Variants in MPC1 observed in about 807,000 individuals in gnomAD.
MPC1 encodes the protein HSPC040 protein.
In MPC1, 6 loss-of-function variants were observed where a neutral mutation model predicts 13.9. The observed-to-expected ratio is 0.43, with a 90% confidence interval of 0.24 to 0.85. The LOEUF (loss-of-function observed/expected upper bound fraction) is 0.85, where lower values mean the gene tolerates loss of function less well. MPC1 is among the 40% of genes least tolerant of loss of function. The pLI is 0.24. For missense variants in MPC1, 115 were observed against 143.3 expected, an observed-to-expected ratio of 0.80 and a Z score of 1.01; for synonymous variants, 47 against 50.5, an observed-to-expected ratio of 0.93 and a Z score of 0.29.
At chr6:166,381,699 G>A (rs1779789592) in intron 1 of MPC1, 1 of 492,298 alleles carries the variant, frequency 2.0e-6, no homozygotes, top group African/African-American at 2.1e-5. Flanking sequence ...GTATTTTCAG[G>A]CTTTCCAACC....
intron 1 of MPC1, among the ~76,000 whole-genome samples, chr6:166,371,370 C>T (rs1779374664): frequency 1.3e-5 from 2 of 152,124 alleles, no homozygotes. Flanking sequence ...TAAAAATACA[C>T]CAAAAACTTA....
Position 166,382,823 on chromosome 6 carries a change from G to A in MPC1, c.54C>T (p.Phe18=). ...KAADYVRSKD[F]RDYLMSTHFW... ...CTCGTCACCTCATGAGGTAGTCCCG[G>A]AAATCCTTGCTTCGGACATAGTCCG... is the stretch of plus-strand genomic sequence containing the variant. Residue 18 remains phenylalanine (F), a synonymous_variant, in exon 1 of 5, where the codon TTC becomes TTT. Transcript: ENST00000360961. 1 of 1,597,240 alleles carries A rather than the reference G, an allele frequency of 6.3e-7. No homozygotes were observed. The highest frequency in any genetic ancestry group is 1.1e-5 in the South Asian group (1 of 88,650).
At chr6:166,371,561 G>T (rs1243353466) in intron 1 of MPC1, among the ~76,000 whole-genome samples, 3 of 152,124 alleles carry the variant, frequency 2.0e-5, no homozygotes, top group African/African-American at 7.2e-5. Flanking sequence ...ACAGACTCAA[G>T]TCCAAAGAAT....
At chr6:166,379,809 A>G (rs911291169) in intron 1 of MPC1, among the ~76,000 whole-genome samples, 3 of 152,228 alleles carry the variant, frequency 2.0e-5, no homozygotes, top group African/African-American at 7.2e-5. Flanking sequence ...TTTCTGCTTT[A>G]TATTTTATTC....
rs1324348489 is a variant in MPC1 at position 166,366,850 on chromosome 6, A to G, written c.117T>C (p.Ala39=). 6.2e-7 allele frequency: 1 copy of G among 1,614,156 alleles called. No individual in the cohort carries two copies. The highest frequency in any genetic ancestry group is 8.5e-7 in the Non-Finnish European group (1 of 1,179,982). Residue 39 remains alanine (A), a synonymous_variant, in exon 3 of 5, where the codon GCT becomes GCC. Transcript: ENST00000360961. ...GPVANWGLPI[A]AINDMKKSPE... is the part of the protein sequence containing the mutation. ...GAGACTTTTTCATATCATTGATGGC[A>G]GCAATGGGAAGACCCCAGTTGGCTA...
At position 166,368,134 on chromosome 6, in the gene MPC1, C is replaced by T. The variant is rs370947762; in HGVS notation, c.76-1243G>A. On this transcript the variant is annotated intron_variant, in intron 2 of 4. Coordinates refer to ENST00000360961, the MANE Select transcript of MPC1 (RefSeq NM_016098.4). The stretch of plus-strand genomic sequence containing the variant: ...GATTCTGGGCTGGCTAATTAGTTAT[C>T]TTGCATTCAGACTGCATGTTATCTA... Among the ~76,000 whole-genome samples the T allele has an allele frequency of 1.4e-4, 22 of 152,254 alleles. No individual in the cohort carries two copies. The East Asian group carries it at 4.2e-3, about 29-fold the overall frequency.
chr6:166,379,756 T>G (rs971804745), intron 1 of MPC1, among the ~76,000 whole-genome samples: 7 of 152,230 alleles, frequency 4.6e-5, no homozygotes, highest in Non-Finnish European at 1.0e-4. Context: ...GAGGAAGGGA[T>G]GGAACCTTGT....
intron 2 of MPC1, among the ~76,000 whole-genome samples, chr6:166,367,642 G>A (rs1779212141): frequency 6.6e-6 from 1 of 152,162 alleles, no homozygotes; most frequent in African/African-American, 2.4e-5. Flanking sequence ...TTTAGAGGCT[G>A]AAATAAAATA....
chr6:166,377,879 G>A (rs1779626521), intron 1 of MPC1, among the ~76,000 whole-genome samples: 1 of 152,212 alleles, frequency 6.6e-6, no homozygotes, highest in African/African-American at 2.4e-5. Flanking sequence ...TTATATGGCA[G>A]GGAAGTGCTC....
At chr6:166,369,138 T>C (rs1779279516) in intron 2 of MPC1, among the ~76,000 whole-genome samples, 1 of 152,180 alleles carries the variant, frequency 6.6e-6, no homozygotes, top group South Asian at 2.1e-4. Flanking sequence ...GCATGGTGGC[T>C]CACACCTGTA....
At chr6:166,368,706 G>T in intron 2 of MPC1, 1 of 955,592 alleles carries the variant, frequency 1.0e-6, no homozygotes, top group Non-Finnish European at 1.2e-6. Flanking sequence ...GTAAGGGAGA[G>T]TATCTATCTC....
intron 1 of MPC1, among the ~76,000 whole-genome samples, chr6:166,380,953 A>AG (rs1779752387): frequency 6.6e-6 from 1 of 151,488 alleles, no homozygotes; most frequent in African/African-American, 2.4e-5. Context: ...AAAAAAAAAA[A>AG]AAAAAAAAAA....
intron 3 of MPC1, 111 bp from the exon 4 acceptor site, chr6:166,366,217 G>T: frequency 8.0e-7 from 1 of 1,250,064 alleles, no homozygotes. Context: ...AACCTCTTCT[G>T]CGAAAGCCTT....
Position 166,366,899 on chromosome 6 carries a change from A to G in MPC1, c.76-8T>C. 6.2e-7 allele frequency: 1 copy of G among 1,613,994 alleles called. No individual in the cohort carries two copies. Among genetic ancestry groups the G allele is most frequent in the Non-Finnish European group, 8.5e-7 (1 of 1,179,840 alleles). ...TACTGGGCCCCAGAAGTGCTACAAAAAATGAGAGGAAAAGAATGAAGAGAG... is the reference window on the plus strand; with the variant it reads ...TACTGGGCCCCAGAAGTGCTACAAAGAATGAGAGGAAAAGAATGAAGAGAG... On this transcript the variant is annotated splice_polypyrimidine_tract_variant and splice_region_variant and intron_variant, in intron 2 of 4. Transcript: ENST00000360961.
intron 1 of MPC1, among the ~76,000 whole-genome samples, chr6:166,382,382 G>A (rs1050593370): frequency 6.6e-6 from 1 of 151,124 alleles, no homozygotes; most frequent in Non-Finnish European, 1.5e-5. Context: ...TTGGCCAGGA[G>A]GGACGCCCAC....
intron 1 of MPC1, among the ~76,000 whole-genome samples, chr6:166,376,155 CGTGTGTGTGT>C (rs74273802): frequency 6.0e-5 from 9 of 150,972 alleles, no homozygotes; most frequent in Non-Finnish European, 1.2e-4. Flanking sequence ...TATACACATA[CGTGTGTGTGT>C]GTGTGTGTGT....
At chr6:166,379,955 C>T (rs1779706645) in intron 1 of MPC1, among the ~76,000 whole-genome samples, 2 of 152,296 alleles carry the variant, frequency 1.3e-5, no homozygotes, top group African/African-American at 4.8e-5. Context: ...AGCTTCTGGT[C>T]AGAGTGTTGA....
At chr6:166,378,955 C>T (rs552520078) in intron 1 of MPC1, among the ~76,000 whole-genome samples, 1 of 152,348 alleles carries the variant, frequency 6.6e-6, no homozygotes, top group African/African-American at 2.4e-5. Context: ...TCAAATCCAT[C>T]ATTCAAACTC....
At chr6:166,371,206 T>C (rs1179182089) in intron 1 of MPC1, among the ~76,000 whole-genome samples, 1 of 152,204 alleles carries the variant, frequency 6.6e-6, no homozygotes, top group East Asian at 1.9e-4. Context: ...ACTAACACAT[T>C]GCACCAGAAT....
Sources: gnomAD v4.1 joint callset for allele counts (sites outside exome capture counted in the v4.1 genomes callset) on GRCh38, gnomAD v4.1.1 for gene constraint, MANE v1.5 for transcripts, NCBI Gene and HGNC (gene_info 2026-07-23, HGNC 2026-07-21) for gene names.